Variants in CNTLN observed in about 807,000 individuals in gnomAD.
CNTLN encodes centlein, centrosomal protein.
CNTLN carries 212 observed loss-of-function variants against 180.0 expected under a neutral mutation model. The ratio of observed to expected loss-of-function variants is 1.18; its 90% CI spans 1.05 to 1.32. The LOEUF is 1.32. Ranked by LOEUF, CNTLN falls within the 40% of genes most tolerant of loss-of-function variation. CNTLN has a pLI of 0.00. For missense variants in CNTLN, 2,095 were observed against 1,610.9 expected (o/e 1.30, Z -5.14); for synonymous variants, 722 against 563.1 (o/e 1.28, Z -3.99).
intron 19 of CNTLN, 78 bp downstream of exon 19, chr9:17,457,793 TTATTC>T (rs1831218941): frequency 2.2e-6 from 2 of 891,174 alleles, no homozygotes; most frequent in African/African-American, 1.8e-5. Context: ...GAACACTAAT[TTATTC>T]TAATAAAGGT....
intron 10 of CNTLN, among the ~76,000 whole-genome samples, chr9:17,340,567 G>A (rs970014017): frequency 6.6e-6 from 1 of 152,146 alleles, no homozygotes; most frequent in African/African-American, 2.4e-5. Context: ...ACAGGGAAAG[G>A]AGTGAAACTA....
intron 18 of CNTLN, among the ~76,000 whole-genome samples, chr9:17,431,895 T>C (rs1339357719): frequency 1.3e-5 from 2 of 152,166 alleles, no homozygotes; most frequent in Non-Finnish European, 2.9e-5. Flanking sequence ...ACAAATATAT[T>C]TCATAAACTA....
chr9:17,524,358 A>G, the CNTLN span, among the ~76,000 whole-genome samples: 1 of 152,242 alleles, frequency 6.6e-6, no homozygotes, highest in Non-Finnish European at 1.5e-5. Flanking sequence ...AGGCAGGAGA[A>G]GACTGATGTC....
chr9:17,281,665 T>C (rs2132587807), intron 6 of CNTLN, among the ~76,000 whole-genome samples: 1 of 152,318 alleles, frequency 6.6e-6, no homozygotes, highest in Middle Eastern at 3.4e-3. Flanking sequence ...ATGTACCACA[T>C]TTTCTTTATC....
chr9:17,504,903 T>C (rs1237458097), downstream of CNTLN, among the ~76,000 whole-genome samples: 1 of 152,172 alleles, frequency 6.6e-6, no homozygotes, highest in Non-Finnish European at 1.5e-5. Flanking sequence ...ACATTTTATC[T>C]AATTTAAGCC....
At chr9:17,494,635 G>C (rs750984102) in intron 25 of CNTLN, among the ~76,000 whole-genome samples, 2 of 152,006 alleles carry the variant, frequency 1.3e-5, no homozygotes, top group Non-Finnish European at 2.9e-5. Context: ...TTGGTTTTCT[G>C]TTCCTGCATT....
chr9:17,201,854 A>C (rs1822555076), intron 2 of CNTLN, among the ~76,000 whole-genome samples: 1 of 151,010 alleles, frequency 6.6e-6, no homozygotes, highest in Non-Finnish European at 1.5e-5. Flanking sequence ...CTCTGATCTT[A>C]GTTATTTCTT....
chr9:17,191,047 G>A (rs936179975), intron 2 of CNTLN, among the ~76,000 whole-genome samples: 4 of 152,078 alleles, frequency 2.6e-5, no homozygotes, highest in East Asian at 3.9e-4. Flanking sequence ...TAATAGTTCC[G>A]TGGATTAAAT....
At chr9:17,244,459 C>T (rs1426327276) in intron 5 of CNTLN, among the ~76,000 whole-genome samples, 1 of 152,070 alleles carries the variant, frequency 6.6e-6, no homozygotes, top group African/African-American at 2.4e-5. Context: ...CTCAAGTGAC[C>T]CTCCTGCCTC....
chr9:17,279,370 C>A (rs547571113), intron 6 of CNTLN, among the ~76,000 whole-genome samples: 1 of 152,114 alleles, frequency 6.6e-6, no homozygotes, highest in African/African-American at 2.4e-5. Flanking sequence ...TTACCAGGGC[C>A]TTCCCTATTG....
rs932819094 is a variant in CNTLN, at chr9:17,481,996, T to C, written c.3856-2299T>C. ...GTAAAGGCTGGAAGAAGTGGCTGCT[T>C]CCTTAAATGTACAGACACCAGTGCA... On this transcript the variant is annotated intron_variant, in intron 23 of 25. Coordinates refer to ENST00000380647, the MANE Select transcript of CNTLN (RefSeq NM_017738.4). 3.3e-5 allele frequency among the ~76,000 whole-genome samples: 5 copies of C among 152,310 alleles called. No individual in the cohort carries two copies. In the South Asian group the frequency reaches 1.0e-3, roughly 32 times the overall value.
intron 19 of CNTLN, among the ~76,000 whole-genome samples, chr9:17,460,024 C>A (rs928555233): frequency 6.6e-6 from 1 of 151,640 alleles, no homozygotes; most frequent in African/African-American, 2.4e-5. Flanking sequence ...TGTTTTTAGA[C>A]TTAATTGAGA....
chr9:17,182,178 C>G (rs1297051884), intron 2 of CNTLN, among the ~76,000 whole-genome samples: 1 of 142,732 alleles, frequency 7.0e-6, no homozygotes, highest in Non-Finnish European at 1.5e-5. Flanking sequence ...TTTTTTTTTT[C>G]CTTTGGTACT....
downstream of CNTLN, among the ~76,000 whole-genome samples, chr9:17,504,102 A>T (rs933898436): frequency 3.8e-4 from 1 of 2,620 alleles, no homozygotes; most frequent in Non-Finnish European, 0.021. Flanking sequence ...ACTGCAATTA[A>T]AAAAAAAATA....
intron 25 of CNTLN, among the ~76,000 whole-genome samples, chr9:17,491,091 T>C (rs1190567336): frequency 6.6e-6 from 1 of 151,988 alleles, no homozygotes; most frequent in Non-Finnish European, 1.5e-5. Flanking sequence ...CCCATTCTGA[T>C]CCCCCAAATT....
chr9:17,394,146 G>GA (rs773286035), intron 14 of CNTLN, among the ~76,000 whole-genome samples: 1 of 151,762 alleles, frequency 6.6e-6, no homozygotes, highest in Non-Finnish European at 1.5e-5. Flanking sequence ...GTCGAATATT[G>GA]AAAAAAAGTT....
At chr9:17,423,311 C>T (rs916980814) in intron 18 of CNTLN, among the ~76,000 whole-genome samples, 51 of 152,270 alleles carry the variant, frequency 3.3e-4, no homozygotes, top group African/African-American at 1.1e-3. Context: ...TGCAGTGCAG[C>T]AGGTTCTCTT....
At chr9:17,512,781 A>T in the CNTLN span, among the ~76,000 whole-genome samples, 1 of 152,192 alleles carries the variant, frequency 6.6e-6, no homozygotes, top group Admixed American at 6.5e-5. Flanking sequence ...GCTCTGTGCT[A>T]GGAGACACAC....
the CNTLN span, among the ~76,000 whole-genome samples, chr9:17,517,319 G>C: frequency 6.6e-6 from 1 of 151,492 alleles, no homozygotes; most frequent in African/African-American, 2.4e-5. Context: ...GTGAACCCAG[G>C]AGGCGGAGCT....
Sources: allele counts gnomAD v4.1 joint callset (sites outside exome capture counted in the v4.1 genomes callset), GRCh38; gene constraint gnomAD v4.1.1; transcripts MANE v1.5; gene names NCBI Gene and HGNC (gene_info 2026-07-23, HGNC 2026-07-21).